The following PALLD variants were observed in gnomAD, a reference collection of about 807,000 sequenced individuals.
The protein encoded by PALLD is palladin.
A neutral mutation model predicts 123.5 loss-of-function variants in PALLD; 61 were observed. The observed-to-expected ratio is 0.49, with a 90% CI of 0.40 to 0.61. The LOEUF (loss-of-function observed/expected upper bound fraction) is 0.61, where lower values mean the gene tolerates loss of function less well. Ranked by LOEUF, PALLD falls within the 20% of genes least tolerant of loss-of-function variation. The pLI is 0.00. For synonymous variants in PALLD, 465 were observed against 496.4 expected (o/e 0.94, Z 0.84); for missense variants, 1,273 against 1,377.0 (o/e 0.92, Z 1.20).
chr4:168,902,932 C>A (rs551181797), intron 14 of PALLD, among the ~76,000 whole-genome samples: 3 of 152,092 alleles, frequency 2.0e-5, no homozygotes, highest in South Asian at 4.2e-4. Flanking sequence ...CCACCACACC[C>A]AGATAATTTT....
rs1293341154 is a variant in PALLD, at chr4:168,516,417, T to A, written c.908+4005T>A. Among the ~76,000 whole-genome samples, 3 of 152,280 alleles carry A rather than the reference T, an allele frequency of 2.0e-5. No individual in the cohort carries two copies. In the East Asian group the frequency reaches 5.8e-4, roughly 29 times the overall value. On this transcript the variant is annotated intron_variant, in intron 2 of 21. Transcript: ENST00000505667. The stretch of plus-strand genomic sequence containing the variant: ...ATTTGTGAAGAATTTTAGTTCAAAA[T>A]TACCTCCGGTATTATAAAAAGGAGG...
intron 10 of PALLD, among the ~76,000 whole-genome samples, chr4:168,873,859 C>T (rs139046549): frequency 6.6e-6 from 1 of 152,202 alleles, no homozygotes; most frequent in East Asian, 1.9e-4. Context: ...TGATAAGTGC[C>T]CTATGGCTTC....
intron 17 of PALLD, among the ~76,000 whole-genome samples, chr4:168,919,022 AT>A (rs1760847141): frequency 6.6e-6 from 1 of 152,172 alleles, no homozygotes; most frequent in Admixed American, 6.5e-5. Flanking sequence ...AATATAAAAA[AT>A]AAGAGAGTGA....
intron 10 of PALLD, among the ~76,000 whole-genome samples, chr4:168,860,634 C>T (rs1160297630): frequency 4.6e-5 from 7 of 152,130 alleles, no homozygotes. Context: ...GCCAGCCTGG[C>T]CAACATGGTG....
chr4:168,832,355 C>A (rs558926740), intron 10 of PALLD, among the ~76,000 whole-genome samples: 30 of 152,004 alleles, frequency 2.0e-4, no homozygotes, highest in African/African-American at 7.2e-4. Context: ...TCTCCCTCCC[C>A]CGGCCCGCGG....
chr4:168,819,158 T>C (rs1742370986), intron 10 of PALLD, among the ~76,000 whole-genome samples: 1 of 152,206 alleles, frequency 6.6e-6, no homozygotes, highest in African/African-American at 2.4e-5. Context: ...GTAATAGACT[T>C]TGCCATTTAC....
intron 8 of PALLD, chr4:168,700,084 C>T (rs772219280): frequency 9.9e-5 from 32 of 321,726 alleles, no homozygotes; most frequent in African/African-American, 6.8e-4. Flanking sequence ...CAACCTGGCT[C>T]ATCTCATTTC....
chr4:168,601,152 C>G (rs1349586630), intron 2 of PALLD, among the ~76,000 whole-genome samples: 1 of 151,958 alleles, frequency 6.6e-6, no homozygotes, highest in Non-Finnish European at 1.5e-5. Flanking sequence ...AAATTCCTAG[C>G]TTTTTAAGAA....
chr4:168,574,799 A>C (rs1019830024), intron 2 of PALLD, among the ~76,000 whole-genome samples: 2 of 152,166 alleles, frequency 1.3e-5, no homozygotes, highest in African/African-American at 4.8e-5. Flanking sequence ...AGAACTCATA[A>C]TATGATGGCT....
intron 2 of PALLD, among the ~76,000 whole-genome samples, chr4:168,600,235 A>G (rs555589885): frequency 1.2e-3 from 190 of 152,308 alleles, no homozygotes; most frequent in African/African-American, 3.7e-3. Flanking sequence ...TTTAGTTTAC[A>G]TATTATATTT....
intron 2 of PALLD, among the ~76,000 whole-genome samples, chr4:168,529,956 A>G (rs939813206): frequency 1.8e-4 from 28 of 152,290 alleles, no homozygotes; most frequent in African/African-American, 6.7e-4. Flanking sequence ...AACTAATTTT[A>G]TGTTTCTCTA....
At chr4:168,535,694 A>G (rs1002835797) in intron 2 of PALLD, among the ~76,000 whole-genome samples, 1 of 152,202 alleles carries the variant, frequency 6.6e-6, no homozygotes, top group African/African-American at 2.4e-5. Flanking sequence ...TACTGAAGCC[A>G]CCACGGTGAG....
At chr4:168,550,732 T>C (rs995174379) in intron 2 of PALLD, among the ~76,000 whole-genome samples, 25 of 152,204 alleles carry the variant, frequency 1.6e-4, no homozygotes, top group Admixed American at 1.2e-3. Flanking sequence ...GTCTCACTTA[T>C]AGGGGGTCAG....
At chr4:168,720,448 G>C (rs970653406) in intron 10 of PALLD, among the ~76,000 whole-genome samples, 23 of 152,072 alleles carry the variant, frequency 1.5e-4, no homozygotes, top group African/African-American at 5.6e-4. Context: ...GTGTGGACCA[G>C]AGGGGTCTTC....
chr4:168,878,923 G>A (rs1752235588), intron 10 of PALLD, among the ~76,000 whole-genome samples: 1 of 152,146 alleles, frequency 6.6e-6, no homozygotes, highest in African/African-American at 2.4e-5. Context: ...CAATGGATGT[G>A]AAGGAGTTTG....
chr4:168,521,101 T>C (rs1763518129), intron 2 of PALLD, among the ~76,000 whole-genome samples: 1 of 152,190 alleles, frequency 6.6e-6, no homozygotes, highest in Non-Finnish European at 1.5e-5. Context: ...CAGTAGAATA[T>C]TACATGTAGT....
chr4:168,701,684 C>G (rs745522081), intron 8 of PALLD, among the ~76,000 whole-genome samples: 15 of 152,220 alleles, frequency 9.9e-5, no homozygotes, highest in Non-Finnish European at 2.1e-4. Flanking sequence ...AGGCATTGAA[C>G]TGGCAAGGAC....
chr4:168,504,685 C>T (rs1411729134), intron 1 of PALLD: 1 of 151,504 alleles, frequency 6.6e-6, no homozygotes, highest in Non-Finnish European at 1.5e-5. Flanking sequence ...ATGGATAAGA[C>T]AAGGATGAGA....
chr4:168,550,609 C>T (rs1766633445), intron 2 of PALLD, among the ~76,000 whole-genome samples: 1 of 152,076 alleles, frequency 6.6e-6, no homozygotes, highest in African/African-American at 2.4e-5. Context: ...TGCCCAGTGC[C>T]CACCTAAACT....
Sources: gnomAD v4.1 joint callset for allele counts (sites outside exome capture counted in the v4.1 genomes callset) on GRCh38, gnomAD v4.1.1 for gene constraint, MANE v1.5 for transcripts, NCBI Gene and HGNC (gene_info 2026-07-23, HGNC 2026-07-21) for gene names.